Variants in TMC3 observed in about 807,000 individuals in gnomAD.
TMC3 encodes the protein transmembrane channel like 3.
TMC3 carries 98 observed loss-of-function variants against 110.6 expected under a neutral mutation model. The ratio of observed to expected loss-of-function variants is 0.89; its 90% CI spans 0.75 to 1.05. The LOEUF is 1.05. Ranked by LOEUF, TMC3 falls within the 50% of genes least tolerant of loss-of-function variation. The probability of loss-of-function intolerance (pLI) is 0.00; values close to 1 mark genes in which losing one functional copy is unlikely to be tolerated. For synonymous variants in TMC3, 489 were observed against 513.1 expected, an observed-to-expected ratio of 0.95 and a Z score of 0.63; for missense variants, 1,319 against 1,373.2, an observed-to-expected ratio of 0.96 and a Z score of 0.62.
intron 16 of TMC3, among the ~76,000 whole-genome samples, chr15:81,339,812 C>T (rs1893675200): frequency 6.6e-6 from 1 of 152,256 alleles, no homozygotes; most frequent in East Asian, 1.9e-4. Context: ...GAGTTCCACA[C>T]AGTAAACTCA....
intron 21 of TMC3, 69 bp downstream of exon 21, chr15:81,334,651 C>G: frequency 1.3e-6 from 2 of 1,536,090 alleles, no homozygotes; most frequent in African/African-American, 2.7e-5. Context: ...GCCTTGGCCT[C>G]CTGAAGCTGC....
At chr15:81,350,599 A>G (rs1176870613) in intron 10 of TMC3, among the ~76,000 whole-genome samples, 14 of 152,238 alleles carry the variant, frequency 9.2e-5, no homozygotes, top group African/African-American at 3.4e-4. Flanking sequence ...ATGGGAAAAG[A>G]TTATCTAGGG....
At chr15:81,359,078 T>C (rs1418892567) in intron 5 of TMC3, among the ~76,000 whole-genome samples, 1 of 152,206 alleles carries the variant, frequency 6.6e-6, no homozygotes, top group Non-Finnish European at 1.5e-5. Flanking sequence ...AATTTCAGTA[T>C]TCATAAATAA....
In TMC3 at chr15:81,341,515, C is replaced by A; in HGVS notation, c.1719G>T (p.Met573Ile). 2 of 1,609,280 alleles carry A rather than the reference C, an allele frequency of 1.2e-6. No individual in the cohort carries two copies. Among genetic ancestry groups the A allele is most frequent in the South Asian group, 1.1e-5 (1 of 89,940 alleles). ...HLVYNQGMIW[M>I]GAFFSPCLPA... ...GGAGACATGGGGAGAAGAAGGCCCC[C>A]ATCCTGGAACCATGAGGAAGGTCAG... is the stretch of plus-strand genomic sequence containing the variant. Residue 573 changes from methionine (M) to isoleucine (I), a missense_variant, in exon 16 of 22, where the codon ATG becomes ATT. Physicochemically the swap from Met to Ile is conservative, Grantham distance 10 (BLOSUM62 1). Transcript: ENST00000359440.
intron 21 of TMC3, among the ~76,000 whole-genome samples, chr15:81,333,613 C>T (rs1434489775): frequency 6.6e-6 from 1 of 152,182 alleles, no homozygotes; most frequent in East Asian, 1.9e-4. Flanking sequence ...GTTTCTCATC[C>T]TTTCTGCTAA....
At chr15:81,353,825 G>A (rs1321723383) in intron 9 of TMC3, among the ~76,000 whole-genome samples, 1 of 152,338 alleles carries the variant, frequency 6.6e-6, no homozygotes, top group East Asian at 1.9e-4. Context: ...CTCTTTAGAA[G>A]TAAGCTCTAA....
intron 18 of TMC3, 82 bp downstream of exon 18, chr15:81,338,573 T>C: frequency 6.4e-7 from 1 of 1,560,938 alleles, no homozygotes; most frequent in Non-Finnish European, 8.7e-7. Flanking sequence ...CTAATAAATT[T>C]TATGTAATTA....
At chr15:81,355,393 C>T (rs1032606693) in intron 9 of TMC3, among the ~76,000 whole-genome samples, 1 of 152,168 alleles carries the variant, frequency 6.6e-6, no homozygotes, top group African/African-American at 2.4e-5. Flanking sequence ...ATATTTGTGT[C>T]TTATGACTAG....
At chr15:81,368,187 C>T (rs765632144) in intron 3 of TMC3, 66 bp downstream of exon 3, 16 of 1,176,446 alleles carry the variant, frequency 1.4e-5, no homozygotes, top group Non-Finnish European at 2.0e-5. Context: ...CCTCCCTTGG[C>T]CTCCCAAAGC....
At chr15:81,350,201 C>T (rs963521249) in intron 10 of TMC3, among the ~76,000 whole-genome samples, 2 of 151,996 alleles carry the variant, frequency 1.3e-5, no homozygotes, top group South Asian at 2.1e-4. Flanking sequence ...GATCACTGCA[C>T]TCCAGCCTGG....
chr15:81,344,614 T>C (rs1893784177), intron 13 of TMC3, among the ~76,000 whole-genome samples, 152 bp downstream of exon 13: 1 of 152,202 alleles, frequency 6.6e-6, no homozygotes, highest in Non-Finnish European at 1.5e-5. Context: ...GCACTGATTA[T>C]TTTTCTTTTT....
intron 3 of TMC3, among the ~76,000 whole-genome samples, chr15:81,366,128 C>G (rs771097193): frequency 6.6e-6 from 1 of 152,102 alleles, no homozygotes; most frequent in Non-Finnish European, 1.5e-5. Context: ...ATAGTGAACA[C>G]GACATGCAAG....
At chr15:81,367,505 A>G (rs1258972899) in intron 3 of TMC3, among the ~76,000 whole-genome samples, 1 of 152,252 alleles carries the variant, frequency 6.6e-6, no homozygotes, top group Non-Finnish European at 1.5e-5. Context: ...ATTTTAATGT[A>G]TACTTTTCAT....
rs777232746 is a variant in TMC3 at position 81,372,774 on chromosome 15, G to A, written c.90-37C>T. 8.1e-6 allele frequency: 13 copies of A among 1,606,040 alleles called. No homozygotes were observed. The Admixed American group carries it at 2.2e-4, about 27-fold the overall frequency. On this transcript the variant is annotated intron_variant, in intron 1 of 21. Transcript: ENST00000359440. ...GGGCATTAAGGAGGAAATCTGATTA[G>A]AAGAATTGCTTCCAGCAAAGATCAT...
chr15:81,344,689 A>G, intron 13 of TMC3, 77 bp downstream of exon 13: 1 of 1,397,996 alleles, frequency 7.2e-7, no homozygotes, highest in Non-Finnish European at 1.0e-6. Flanking sequence ...ACATAGGGGC[A>G]GTGACAGCTC....
At chr15:81,355,892 C>A in intron 8 of TMC3, 124 bp from the exon 9 acceptor site, 1 of 603,504 alleles carries the variant, frequency 1.7e-6, no homozygotes. Context: ...CTGTAGGATT[C>A]AATTGATATA....
At position 81,372,659 on chromosome 15, in the gene TMC3, G is replaced by T; in HGVS notation, c.168C>A (p.Phe56Leu). The change falls in exon 2 of 22, where the codon TTC becomes TTA. Residue 56 changes from phenylalanine to leucine, a missense_variant. By Grantham distance (22) the Phe-to-Leu change is conservative (BLOSUM62 0). Transcript: ENST00000359440. ...DPEQIFQNIQ[F>L]QKDLMANIRC... ...GAATGTTTGCCATGAGATCTTTCTG[G>T]AACTGTATATTCTGGAAGATTTGTT... The T allele has an allele frequency of 1.2e-6, 2 of 1,613,938 alleles. No homozygotes were observed. Among genetic ancestry groups the T allele is most frequent in the Non-Finnish European group, 1.7e-6 (2 of 1,179,892 alleles).
Position 81,338,766 on chromosome 15 carries a change from A to G in TMC3, c.1970T>C (p.Ile657Thr), listed in dbSNP as rs2141693700. Residue 657 changes from isoleucine to threonine, a missense_variant, in exon 18 of 22, where the codon ATT becomes ACT. Ile to Thr is a moderately conservative substitution (Grantham distance 89, BLOSUM62 -1). Transcript: ENST00000359440. ...AATCGTTTCTGACACAATGTCATAA[A>G]TTTTCTCTTGTCCACTGTGAGAAAG... ...NCGPFSGQEK[I>T]YDIVSETIEK... 1 of 1,613,802 alleles carries G rather than the reference A, an allele frequency of 6.2e-7. No individual in the cohort carries two copies. Among genetic ancestry groups the G allele is most frequent in the Non-Finnish European group, 8.5e-7 (1 of 1,179,828 alleles).
rs774009741 is a variant in TMC3 at position 81,332,951 on chromosome 15, T to C, written c.2771A>G (p.Asn924Ser). The change falls in exon 22 of 22, where the codon AAC (asparagine) becomes AGC (serine). Residue 924 changes from asparagine to serine, a missense_variant. Transcript: ENST00000359440. Reference protein sequence around the residue: ...SGDIVELYPRNVRQYASRVPR... With the variant: ...SGDIVELYPRSVRQYASRVPR... ...GACCCGGGATGCATATTGTCGCACGTTCCTGGGGTACAGCTCCACAATGTC... is the reference window on the plus strand; with the variant it reads ...GACCCGGGATGCATATTGTCGCACGCTCCTGGGGTACAGCTCCACAATGTC... 3.7e-6 allele frequency: 6 copies of C among 1,612,750 alleles called. No individual in the cohort carries two copies. The highest frequency in any genetic ancestry group is 5.1e-6 in the Non-Finnish European group (6 of 1,179,380).
Sources: allele counts gnomAD v4.1 joint callset (sites outside exome capture counted in the v4.1 genomes callset), GRCh38; gene constraint gnomAD v4.1.1; transcripts MANE v1.5; gene names NCBI Gene and HGNC (gene_info 2026-07-23, HGNC 2026-07-21).